TESPA1: variants seen among roughly 807,000 people sequenced by gnomAD.
The protein encoded by TESPA1 is thymocyte expressed, positive selection associated 1.
A neutral mutation model predicts 57.9 loss-of-function variants in TESPA1; 33 were observed. That is an observed-to-expected ratio of 0.57 (90% CI 0.43 to 0.76). TESPA1 has a LOEUF of 0.76. Ranked by LOEUF, TESPA1 falls within the 30% of genes least tolerant of loss-of-function variation. TESPA1 has a pLI of 0.00. For missense variants in TESPA1, 618 were observed against 632.9 expected (o/e 0.98, Z 0.25); for synonymous variants, 227 against 228.9 (o/e 0.99, Z 0.07).
intron 1 of TESPA1, among the ~76,000 whole-genome samples, chr12:54,976,402 C>T (rs780201556): frequency 5.9e-5 from 9 of 152,028 alleles, no homozygotes; most frequent in African/African-American, 1.2e-4. Context: ...TTTTAATTCC[C>T]GAAGGAAATG....
intron 10 of TESPA1, among the ~76,000 whole-genome samples, chr12:54,955,760 T>C (rs72648132): frequency 0.21 from 31,202 of 152,126 alleles, 5,439 homozygotes; most frequent in East Asian, 0.84. Flanking sequence ...CTTTGTGGAG[T>C]GATTTCCTGG....
At chr12:54,955,214 C>T (rs1488665820) in intron 10 of TESPA1, among the ~76,000 whole-genome samples, 2 of 152,174 alleles carry the variant, frequency 1.3e-5, no homozygotes, top group African/African-American at 4.8e-5. Flanking sequence ...ACCTGTTGTG[C>T]ACTTGTATGT....
At chr12:54,969,112 AT>A (rs1199574182) in intron 3 of TESPA1, among the ~76,000 whole-genome samples, 1 of 149,394 alleles carries the variant, frequency 6.7e-6, no homozygotes, top group African/African-American at 2.4e-5. Flanking sequence ...TAGCAAAAAA[AT>A]CAACCATGTT....
At chr12:54,955,393 C>A (rs1295532241) in intron 10 of TESPA1, among the ~76,000 whole-genome samples, 2 of 152,198 alleles carry the variant, frequency 1.3e-5, no homozygotes, top group Non-Finnish European at 2.9e-5. Context: ...TCTCAATGGG[C>A]AGGTGGGCAT....
chr12:54,954,207 G>C (rs1950595154), intron 10 of TESPA1, among the ~76,000 whole-genome samples: 1 of 152,212 alleles, frequency 6.6e-6, no homozygotes, highest in Admixed American at 6.5e-5. Context: ...GATGGAAACG[G>C]CCTTGGCTTG....
Position 54,950,251 on chromosome 12 carries a change from G to A in TESPA1, c.*141C>T, listed in dbSNP as rs1293465719. 2.2e-6 allele frequency: 1 copy of A among 456,656 alleles called. No individual in the cohort carries two copies. The highest frequency in any genetic ancestry group is 7.0e-5 in the East Asian group (1 of 14,388). The allele number at this position is 456,656 out of a possible 1,614,324, so 28.3% of individuals were successfully genotyped here. ...CCATGTACCATGCTGCCTTTCTCCT[G>A]CAGAGTTTGGGGGTTTGGAGGACCA... On this transcript the variant is annotated 3_prime_UTR_variant, in exon 11 of 11. Transcript: ENST00000449076.
chr12:54,959,473 G>A (rs1170447203), intron 10 of TESPA1, among the ~76,000 whole-genome samples: 1 of 152,210 alleles, frequency 6.6e-6, no homozygotes, highest in African/African-American at 2.4e-5. Context: ...ACATGGTTGA[G>A]CTCCTAGAAG....
At chr12:54,967,709 G>C in intron 4 of TESPA1, 134 bp downstream of exon 4, 1 of 1,065,218 alleles carries the variant, frequency 9.4e-7, no homozygotes, top group Non-Finnish European at 1.3e-6. Context: ...GTGTTTTGCA[G>C]CCAGTTTAAG....
chr12:54,966,479 C>A, intron 5 of TESPA1, 55 bp from the exon 6 acceptor site: 2 of 1,590,552 alleles, frequency 1.3e-6, no homozygotes, highest in Non-Finnish European at 1.7e-6. Context: ...TGAAAATCAC[C>A]TGTGTTGCCC....
chr12:54,966,924 A>G (rs1212565276), intron 5 of TESPA1, among the ~76,000 whole-genome samples: 1 of 152,202 alleles, frequency 6.6e-6, no homozygotes, highest in Non-Finnish European at 1.5e-5. Context: ...GTAATTTTAT[A>G]TGTTATCATC....
rs1336796393 is a variant in TESPA1 at position 54,954,685 on chromosome 12, CA to C, written c.*2-4296del. Among the ~76,000 whole-genome samples the C allele has an allele frequency of 3.9e-5, 6 of 152,330 alleles. No individual in the cohort carries two copies. The East Asian group carries it at 5.8e-4, about 15-fold the overall frequency. The stretch of plus-strand genomic sequence containing the variant: ...TAGTAATTATACTGTATAGCATTTT[CA>C]GAAATATTGTCTCATATAAGTCTTA... On this transcript the variant is annotated intron_variant, in intron 10 of 10. Transcript: ENST00000449076.
chr12:54,974,662 A>T, intron 1 of TESPA1, 55 bp from the exon 2 acceptor site: 1 of 1,306,902 alleles, frequency 7.7e-7, no homozygotes. Context: ...AACCATCATG[A>T]TGCTCAGGGT....
chr12:54,952,631 C>T (rs1950470049), intron 10 of TESPA1, among the ~76,000 whole-genome samples: 1 of 152,150 alleles, frequency 6.6e-6, no homozygotes, highest in South Asian at 2.1e-4. Context: ...AGTTTTGTAT[C>T]TAATATGGCA....
chr12:54,970,153 G>C (rs766199952), intron 3 of TESPA1, among the ~76,000 whole-genome samples: 13 of 152,194 alleles, frequency 8.5e-5, no homozygotes, highest in Non-Finnish European at 1.8e-4. Flanking sequence ...GCCCAGGGTG[G>C]TCTTGAACTC....
rs766001045 is a variant in TESPA1 at position 54,962,876 on chromosome 12, T to C, written c.1022A>G (p.Gln341Arg). Residue 341 changes from glutamine (Q) to arginine (R), a missense_variant, in exon 9 of 11, where the codon CAG (glutamine) becomes CGG (arginine). Gln to Arg is a conservative substitution (Grantham distance 43, BLOSUM62 1). Coordinates refer to ENST00000449076, the MANE Select transcript of TESPA1 (RefSeq NM_001136030.3). Reference sequence around the variant, plus strand: ...CTCAGCAGGGGGCACAGGATCTTCCTGTGAGAATTGCCCCAAATCAGAGTC... The same window carrying C: ...CTCAGCAGGGGGCACAGGATCTTCCCGTGAGAATTGCCCCAAATCAGAGTC... ...QQDSDLGQFS[Q>R]EDPVPPAEGK... 1.2e-5 allele frequency: 19 copies of C among 1,613,622 alleles called. No individual in the cohort carries two copies. Among genetic ancestry groups the C allele is most frequent in the East Asian group, 2.2e-5 (1 of 44,856 alleles).
intron 3 of TESPA1, among the ~76,000 whole-genome samples, chr12:54,968,172 T>C (rs1951569603): frequency 6.6e-6 from 1 of 152,188 alleles, no homozygotes; most frequent in African/African-American, 2.4e-5. Flanking sequence ...ACAATGATTC[T>C]TCGGTCTTTA....
chr12:54,965,149 G>A (rs1400291224), intron 7 of TESPA1, among the ~76,000 whole-genome samples: 1 of 152,066 alleles, frequency 6.6e-6, no homozygotes, highest in African/African-American at 2.4e-5. Flanking sequence ...CAGCTCCTGG[G>A]ATCAAGCTAT....
chr12:54,973,483 T>C lies in TESPA1; in HGVS notation c.200A>G (p.Asp67Gly). 6.2e-7 allele frequency: 1 copy of C among 1,613,996 alleles called. No homozygotes were observed. Among genetic ancestry groups the C allele is most frequent in the East Asian group, 2.2e-5 (1 of 44,878 alleles). ...TTGCCTGTCCAGCACTTACCCGCAA[T>C]CCTGCAGCCAGTCTTCAATTTTATT... ...PINKIEDWLQDCGYSEEGFSE... is the reference protein window; with the variant it reads ...PINKIEDWLQGCGYSEEGFSE... Residue 67 changes from aspartate (D) to glycine (G), a missense_variant, in exon 3 of 11, where the codon GAT becomes GGT. Around this residue, in one of 3 missense-constraint regions of TESPA1, gnomAD observed 199 missense variants for 184.0 expected, o/e 1.08. Coordinates refer to ENST00000449076, the MANE Select transcript of TESPA1 (RefSeq NM_001136030.3).
At position 54,949,177 on chromosome 12, in the gene TESPA1, A is replaced by C. The variant is rs930570463; in HGVS notation, c.*1215T>G. On this transcript the variant is annotated 3_prime_UTR_variant, in exon 11 of 11. Coordinates refer to ENST00000449076, the MANE Select transcript of TESPA1 (RefSeq NM_001136030.3). ...TTCTTTTGGTATGGGGAATTAGTAA[A>C]CACAGATGGTTTAAAAATTTTTCCA... The C allele has an allele frequency of 6.6e-6, 1 of 152,156 alleles. No individual in the cohort carries two copies. Among genetic ancestry groups the C allele is most frequent in the African/African-American group, 2.4e-5 (1 of 41,424 alleles). 9.4% of individuals were successfully genotyped at this position (152,156 alleles called of 1,614,324 possible). A position where few individuals can be genotyped will look rare whatever the true frequency, so the allele number is the denominator to read the frequency against.
Sources: allele counts gnomAD v4.1 joint callset (sites outside exome capture counted in the v4.1 genomes callset), GRCh38; gene constraint gnomAD v4.1.1; regional missense constraint gnomAD v4.1.1; transcripts MANE v1.5; gene names NCBI Gene and HGNC (gene_info 2026-07-23, HGNC 2026-07-21).